The following RNF212B variants were observed in gnomAD, a reference collection of about 807,000 sequenced individuals.
RNF212B encodes E3 ubiquitin-protein ligase RNF212B.
A neutral mutation model predicts 55.5 loss-of-function variants in RNF212B; 52 were observed. That is an observed-to-expected ratio of 0.94 (90% CI 0.75 to 1.18). The LOEUF (loss-of-function observed/expected upper bound fraction) is 1.18. Ranked by LOEUF, RNF212B falls within the 50% of genes most tolerant of loss-of-function variation. The probability of loss-of-function intolerance (pLI) is 0.00; values close to 1 mark genes in which losing one functional copy is unlikely to be tolerated. For missense variants in RNF212B, 289 were observed against 350.4 expected, an observed-to-expected ratio of 0.82 and a Z score of 1.40; for synonymous variants, 99 against 121.4, an observed-to-expected ratio of 0.82 and a Z score of 1.21.
At chr14:23,264,136 T>G in intron 9 of RNF212B, 38 bp from the exon 10 acceptor site, 4 of 1,465,548 alleles carry the variant, frequency 2.7e-6, no homozygotes, top group Non-Finnish European at 3.7e-6. Context: ...AAAACTAGGT[T>G]TTTTGCCTTT....
intron 2 of RNF212B, among the ~76,000 whole-genome samples, chr14:23,207,881 CTG>C (rs930948633): frequency 7.9e-5 from 12 of 152,132 alleles, no homozygotes; most frequent in African/African-American, 2.2e-4. Flanking sequence ...TTGGTTCAGT[CTG>C]GAAAGGTGGG....
At chr14:23,214,490 T>C (rs1880879729) in intron 2 of RNF212B, among the ~76,000 whole-genome samples, 1 of 151,296 alleles carries the variant, frequency 6.6e-6, no homozygotes, top group Non-Finnish European at 1.5e-5. Context: ...TGAGACTCAG[T>C]CCCCCCAATA....
At chr14:23,245,525 T>C (rs1239152764) in intron 4 of RNF212B, among the ~76,000 whole-genome samples, 2 of 152,148 alleles carry the variant, frequency 1.3e-5, no homozygotes, top group Admixed American at 6.6e-5. Context: ...CATGGTCAAG[T>C]ATCAAGATAA....
chr14:23,270,690 T>A (rs1886013075), intron 14 of RNF212B, 29 bp downstream of exon 14: 4 of 1,487,944 alleles, frequency 2.7e-6, no homozygotes, highest in Non-Finnish European at 3.7e-6. Flanking sequence ...AACTTGTCTG[T>A]GCATAAAATC....
At chr14:23,239,445 C>A (rs1280243560) in intron 1 of RNF212B, among the ~76,000 whole-genome samples, 3 of 152,144 alleles carry the variant, frequency 2.0e-5, no homozygotes, top group African/African-American at 7.2e-5. Context: ...CATTCATCAG[C>A]CCTATTTCCC....
chr14:23,230,264 T>C (rs1332355014), intron 2 of RNF212B: 1 of 152,252 alleles, frequency 6.6e-6, no homozygotes, highest in East Asian at 1.9e-4. Flanking sequence ...GCCTTTCACT[T>C]TCTTGATAGT....
At chr14:23,216,879 CAAAAAAAAAAA>C (rs59923716) in intron 2 of RNF212B, among the ~76,000 whole-genome samples, 3 of 48,756 alleles carry the variant, frequency 6.2e-5, no homozygotes, top group Non-Finnish European at 1.0e-4. Context: ...GACCCTGTCT[CAAAAAAAAAAA>C]AAAAAAAAAA....
At chr14:23,225,150 C>T (rs941950215) in intron 2 of RNF212B, among the ~76,000 whole-genome samples, 2 of 151,654 alleles carry the variant, frequency 1.3e-5, no homozygotes, top group Admixed American at 1.3e-4. Flanking sequence ...AAAAGTCAGG[C>T]AATAACAAGT....
At chr14:23,190,974 TG>T (rs1566384073) in intron 1 of RNF212B, among the ~76,000 whole-genome samples, 2 of 152,186 alleles carry the variant, frequency 1.3e-5, no homozygotes, top group Admixed American at 1.3e-4. Flanking sequence ...CAGACCGTCT[TG>T]GGGGTGTCCT....
At position 23,270,665 on chromosome 14, in the gene RNF212B, A is replaced by G. The variant is rs1356252989; in HGVS notation, c.834+4A>G. ...TTTCCAGCTACCAGTCCTGCAGGTG[A>G]GACCTGGCTAGTCTAACTTGTCTGT... On this transcript the variant is annotated splice_donor_region_variant and intron_variant, in intron 14 of 14. Coordinates refer to ENST00000430154, the MANE Select transcript of RNF212B (RefSeq NM_001282322.3). 1 of 1,543,206 alleles carries G rather than the reference A, an allele frequency of 6.5e-7. No homozygotes were observed. The highest frequency in any genetic ancestry group is 1.2e-5 in the South Asian group (1 of 83,906).
At chr14:23,258,495 T>C (rs1237230863) in intron 4 of RNF212B, 54 bp from the exon 5 acceptor site, 1 of 798,660 alleles carries the variant, frequency 1.3e-6, no homozygotes, top group Admixed American at 3.0e-5. Flanking sequence ...TTGCCAGAAG[T>C]GAAGGGAAAG....
chr14:23,227,161 C>A (rs750972159), intron 2 of RNF212B, among the ~76,000 whole-genome samples: 1 of 151,772 alleles, frequency 6.6e-6, no homozygotes, highest in Non-Finnish European at 1.5e-5. Context: ...GTATATGGAA[C>A]CTTTCTACAC....
intron 2 of RNF212B, among the ~76,000 whole-genome samples, chr14:23,203,467 C>T (rs1879517285): frequency 7.8e-6 from 1 of 127,734 alleles, no homozygotes; most frequent in Non-Finnish European, 1.6e-5. Context: ...AATGGTAGTT[C>T]TACTTTTAGT....
intron 2 of RNF212B, among the ~76,000 whole-genome samples, chr14:23,200,473 G>A (rs571701231): frequency 1.3e-4 from 20 of 152,124 alleles, no homozygotes; most frequent in Admixed American, 1.2e-3. Flanking sequence ...TTACAGGTGC[G>A]TGCCACTGTG....
At position 23,273,308 on chromosome 14, in the gene RNF212B, ATC is replaced by A. The variant is rs1886246727; in HGVS notation, c.*421_*422del. On this transcript the variant is annotated 3_prime_UTR_variant, in exon 15 of 15. Coordinates refer to ENST00000430154, the MANE Select transcript of RNF212B (RefSeq NM_001282322.3). ...CCCATTGCCAATGTTAACGAGCAAT[ATC>A]TCTGTTCTTTTCCTTATTATACTTT... is the stretch of plus-strand genomic sequence containing the variant. 1.3e-5 allele frequency: 2 copies of A among 154,520 alleles called. No individual in the cohort carries two copies. The highest frequency in any genetic ancestry group is 6.4e-5 in the Admixed American group (1 of 15,538). The allele number at this position is 154,520 out of a possible 1,614,324, so 9.6% of individuals were successfully genotyped here.
chr14:23,246,369 G>C (rs56327739), intron 4 of RNF212B, among the ~76,000 whole-genome samples: 67 of 152,090 alleles, frequency 4.4e-4, no homozygotes, highest in African/African-American at 1.5e-3. Context: ...CCCTATTGAA[G>C]TTTTCCTTTA....
chr14:23,211,023 G>C (rs1880458355), intron 2 of RNF212B, among the ~76,000 whole-genome samples: 1 of 151,902 alleles, frequency 6.6e-6, no homozygotes, highest in South Asian at 2.1e-4. Context: ...TTCGAGACCA[G>C]ACTGGCCAAC....
intron 11 of RNF212B, among the ~76,000 whole-genome samples, chr14:23,265,041 G>A (rs1885586035): frequency 6.6e-6 from 1 of 152,122 alleles, no homozygotes; most frequent in South Asian, 2.1e-4. Flanking sequence ...GGCTGATCTC[G>A]AACTCCTGAC....
At chr14:23,209,019 G>A (rs113567062) in intron 2 of RNF212B, among the ~76,000 whole-genome samples, 22,457 of 151,910 alleles carry the variant, frequency 0.15, 3,229 homozygotes, top group African/African-American at 0.37. Flanking sequence ...TGGCCTCCCA[G>A]AGTGCTGGGA....
Sources: gnomAD v4.1 joint callset for allele counts (sites outside exome capture counted in the v4.1 genomes callset) on GRCh38, gnomAD v4.1.1 for gene constraint, MANE v1.5 for transcripts, NCBI Gene and HGNC (gene_info 2026-07-23, HGNC 2026-07-21) for gene names.